Variants in LRRC59 observed in about 807,000 individuals in gnomAD.
LRRC59 encodes leucine rich repeat containing 59.
A neutral mutation model predicts 33.5 loss-of-function variants in LRRC59; 18 were observed. The ratio of observed to expected loss-of-function variants is 0.54; its 90% CI spans 0.37 to 0.80. The LOEUF is 0.80. LRRC59 is among the 30% of genes least tolerant of loss of function. The probability of loss-of-function intolerance (pLI) is 0.00; values close to 1 mark genes in which losing one functional copy is unlikely to be tolerated. For missense variants in LRRC59, 330 were observed against 391.9 expected (o/e 0.84, Z 1.33); for synonymous variants, 138 against 160.0 (o/e 0.86, Z 1.04).
chr17:50,389,300 A>G (rs1170044887), intron 4 of LRRC59, among the ~76,000 whole-genome samples: 4 of 152,194 alleles, frequency 2.6e-5, no homozygotes, highest in Non-Finnish European at 5.9e-5. Context: ...TGGAGGAGGT[A>G]AAGACCTTTT....
In LRRC59 at chr17:50,382,998, G is replaced by C. The variant is rs201185497; in HGVS notation, c.914C>G (p.Ser305Cys). Residue 305 changes from serine (S) to cysteine (C), a missense_variant, in exon 7 of 7, where the codon TCT becomes TGT. Physicochemically the swap from Ser to Cys is moderately radical, Grantham distance 112. Coordinates refer to ENST00000225972, the MANE Select transcript of LRRC59 (RefSeq NM_018509.4). Reference sequence around the variant, plus strand: ...GTGCTGGGGACAAGCTCACTGCTGAGAGTCGGTCTGGAGGACCCACTGGAG... The same window carrying C: ...GTGCTGGGGACAAGCTCACTGCTGACAGTCGGTCTGGAGGACCCACTGGAG... Reference protein sequence around the residue: ...EILQWVLQTDSQQ With the variant: ...EILQWVLQTDCQQ 2.5e-6 allele frequency: 4 copies of C among 1,612,616 alleles called. No individual in the cohort carries two copies. In the Admixed American group the frequency reaches 5.0e-5, roughly 20 times the overall value.
chr17:50,397,449 C>T lies in LRRC59; in HGVS notation c.-132G>A. ...GCCCTCCGTCGCCGCCGATGCGAGACCGCCTCCGCCCGCTGGCCGCACTCC... is the reference window on the plus strand; with the variant it reads ...GCCCTCCGTCGCCGCCGATGCGAGATCGCCTCCGCCCGCTGGCCGCACTCC... On this transcript the variant is annotated 5_prime_UTR_variant, in exon 1 of 7. Coordinates refer to ENST00000225972, the MANE Select transcript of LRRC59 (RefSeq NM_018509.4). The T allele has an allele frequency of 5.4e-6, 3 of 560,506 alleles. No individual in the cohort carries two copies. Among genetic ancestry groups the T allele is most frequent in the Non-Finnish European group, 9.0e-6 (3 of 335,036 alleles). 34.7% of individuals were successfully genotyped at this position (560,506 alleles called of 1,614,324 possible).
intron 6 of LRRC59, among the ~76,000 whole-genome samples, chr17:50,384,318 A>T (rs1300380997): frequency 6.6e-6 from 1 of 152,004 alleles, no homozygotes; most frequent in African/African-American, 2.4e-5. Context: ...GTGCCACTAC[A>T]CTTGGCTAAT....
At position 50,382,871 on chromosome 17, in the gene LRRC59, C is replaced by A. The variant is rs2143349370; in HGVS notation, c.*117G>T. ...AGAGGAGGTCTCATGTACCAATCTGCAGCCATTTGATGATGGCAGGTAGGT... is the reference window on the plus strand; with the variant it reads ...AGAGGAGGTCTCATGTACCAATCTGAAGCCATTTGATGATGGCAGGTAGGT... On this transcript the variant is annotated 3_prime_UTR_variant, in exon 7 of 7. Coordinates refer to ENST00000225972, the MANE Select transcript of LRRC59 (RefSeq NM_018509.4). The A allele has an allele frequency of 2.3e-6, 3 of 1,314,478 alleles. No homozygotes were observed. In the South Asian group the frequency reaches 4.4e-5, roughly 19 times the overall value. The allele number at this position is 1,314,478 out of a possible 1,614,324, so 81.4% of individuals were successfully genotyped here.
chr17:50,394,842 ACCCTCCCACCC>A, intron 2 of LRRC59, 76 bp downstream of exon 2: 1 of 934,364 alleles, frequency 1.1e-6, no homozygotes, highest in Non-Finnish European at 1.7e-6. Context: ...ACCTTATGAC[ACCCTCCCACCC>A]CCCTCTCAAC....
intron 4 of LRRC59, among the ~76,000 whole-genome samples, chr17:50,390,909 A>G (rs1237677169): frequency 1.3e-5 from 2 of 152,248 alleles, no homozygotes; most frequent in Non-Finnish European, 2.9e-5. Flanking sequence ...GACATATGCA[A>G]ATACAAAAGG....
intron 1 of LRRC59, 119 bp from the exon 2 acceptor site, chr17:50,395,107 G>T: frequency 1.5e-6 from 1 of 660,254 alleles, no homozygotes; most frequent in Admixed American, 2.3e-5. Flanking sequence ...CTTTTAAAAT[G>T]GCAGTAAAGA....
rs1914297704 is a variant in LRRC59, at chr17:50,397,225, C to T, written c.93G>A (p.Pro31=). The T allele has an allele frequency of 1.9e-6, 3 of 1,600,160 alleles. No individual in the cohort carries two copies. The South Asian group carries it at 3.4e-5, about 18-fold the overall frequency. ...GGACGATACTGACCAGCTCCTTCAC[C>T]GGGACCTCATTCAGGTCGCTGAGGC... is the stretch of plus-strand genomic sequence containing the variant. ...DLSLSDLNEV[P]VKELAALPKA... Residue 31 remains proline (P), a synonymous_variant, in exon 1 of 7, where the codon CCG becomes CCA. Transcript: ENST00000225972.
intron 1 of LRRC59, chr17:50,396,414 TA>T (rs1914274445): frequency 6.6e-6 from 1 of 152,252 alleles, no homozygotes; most frequent in Non-Finnish European, 1.5e-5. Flanking sequence ...ACCACTGTAA[TA>T]CCCGTCCACG....
intron 6 of LRRC59, among the ~76,000 whole-genome samples, chr17:50,383,713 G>C (rs766647826): frequency 6.6e-6 from 1 of 151,934 alleles, no homozygotes; most frequent in Non-Finnish European, 1.5e-5. Context: ...GAGTACAGGT[G>C]GTTGCCATTT....
Position 50,392,015 on chromosome 17 carries a change from G to A in LRRC59, c.429+383C>T, listed in dbSNP as rs530941347. On this transcript the variant is annotated intron_variant, in intron 4 of 6. Transcript: ENST00000225972. The stretch of plus-strand genomic sequence containing the variant: ...GGAGTTGGAGACCAGCCTGGCCAAC[G>A]TGGCGAAACACCATCTCCACTAAAA... Among the ~76,000 whole-genome samples, 99 of 152,272 alleles carry A rather than the reference G, an allele frequency of 6.5e-4. 4 individuals are homozygous for A. The South Asian group carries it at 0.02, about 30-fold the overall frequency.
intron 5 of LRRC59, among the ~76,000 whole-genome samples, chr17:50,386,783 A>G (rs1168881889): frequency 6.6e-6 from 1 of 152,252 alleles, no homozygotes; most frequent in Non-Finnish European, 1.5e-5. Flanking sequence ...GAACCACAAG[A>G]GTCCTCCAGT....
chr17:50,385,087 G>T, intron 6 of LRRC59, 31 bp downstream of exon 6: 7 of 1,607,658 alleles, frequency 4.4e-6, no homozygotes, highest in Non-Finnish European at 5.9e-6. Flanking sequence ...CTGTACCCCT[G>T]CTGGAATCTT....
At position 50,382,177 on chromosome 17, in the gene LRRC59, T is replaced by C. The variant is rs1221887847; in HGVS notation, c.*811A>G. ...GACTCCACAGGAGCTGCCCGTGACC[T>C]GATGATAGCAAGAGATTTCTATCTC... On this transcript the variant is annotated 3_prime_UTR_variant, in exon 7 of 7. Coordinates refer to ENST00000225972, the MANE Select transcript of LRRC59 (RefSeq NM_018509.4). 6.6e-6 allele frequency: 1 copy of C among 152,500 alleles called. No individual in the cohort carries two copies. The allele number at this position is 152,500 out of a possible 1,614,324, so 9.4% of individuals were successfully genotyped here.
In LRRC59 at chr17:50,381,428, T is replaced by C. The variant is rs931116511; in HGVS notation, c.*1560A>G. 1.4e-4 allele frequency: 22 copies of C among 161,548 alleles called. No homozygotes were observed. The highest frequency in any genetic ancestry group is 5.3e-4 in the African/African-American group (22 of 41,580). 10.0% of individuals were successfully genotyped at this position (161,548 alleles called of 1,614,324 possible). A position where few individuals can be genotyped will look rare whatever the true frequency, so the allele number is the denominator to read the frequency against. ...TTCATCTCATTGTGTGTATTATGTA[T>C]TTAGTTTCAATAAAGCATTTGTACC... On this transcript the variant is annotated 3_prime_UTR_variant, in exon 7 of 7. Transcript: ENST00000225972.
intron 1 of LRRC59, 79 bp from the exon 2 acceptor site, chr17:50,395,067 C>A: frequency 1.0e-6 from 1 of 965,320 alleles, no homozygotes; most frequent in South Asian, 1.4e-5. Flanking sequence ...GAAGCATTTT[C>A]CAGAGAATGT....
intron 6 of LRRC59, among the ~76,000 whole-genome samples, chr17:50,384,072 G>T (rs1913942650): frequency 6.6e-6 from 1 of 151,500 alleles, no homozygotes; most frequent in Admixed American, 6.5e-5. Context: ...TCCCTCAGGA[G>T]TCCCTTTTCA....
chr17:50,391,789 C>T (rs1295648384), intron 4 of LRRC59, among the ~76,000 whole-genome samples: 2 of 152,226 alleles, frequency 1.3e-5, no homozygotes, highest in Admixed American at 1.3e-4. Context: ...CAGCCCCTAA[C>T]CCCCGGTACT....
At chr17:50,388,265 G>A in intron 4 of LRRC59, 133 bp from the exon 5 acceptor site, 3 of 807,520 alleles carry the variant, frequency 3.7e-6, no homozygotes, top group Middle Eastern at 4.6e-4. Flanking sequence ...TAGGCTGAAT[G>A]TGGTGGCTCA....
Sources: allele counts gnomAD v4.1 joint callset (sites outside exome capture counted in the v4.1 genomes callset), GRCh38; gene constraint gnomAD v4.1.1; transcripts MANE v1.5; gene names NCBI Gene and HGNC (gene_info 2026-07-23, HGNC 2026-07-21).